ERC2: variants seen among roughly 807,000 people sequenced by gnomAD.
ERC2 encodes the protein ERC protein 2.
Under a neutral mutation model 114.8 loss-of-function variants are expected in ERC2, and 42 were observed. The observed-to-expected ratio is 0.37, with a 90% CI of 0.29 to 0.47. ERC2 has a LOEUF of 0.47. ERC2 is among the 20% of genes least tolerant of loss of function. The pLI, the probability that ERC2 is intolerant of heterozygous loss-of-function variation, is 0.99. For missense variants in ERC2, 939 were observed against 1,150.7 expected, an observed-to-expected ratio of 0.82 and a Z score of 2.66; for synonymous variants, 454 against 425.5, an observed-to-expected ratio of 1.07 and a Z score of -0.82.
chr3:56,222,776 T>C (rs532554484), intron 3 of ERC2, among the ~76,000 whole-genome samples: 1 of 152,254 alleles, frequency 6.6e-6, no homozygotes, highest in South Asian at 2.1e-4. Context: ...AGATGCAAAA[T>C]ACATCATAGT....
In ERC2 at chr3:56,147,318, T is replaced by A. The variant is rs2081191669; in HGVS notation, c.1305+1659A>T. ...AAACTTATTCTAAACTTTGAGGCAG[T>A]CCCTGGTTACATTCAAATCCACTGG... is the stretch of plus-strand genomic sequence containing the variant. On this transcript the variant is annotated intron_variant, in intron 5 of 17. Transcript: ENST00000288221. Among the ~76,000 whole-genome samples the A allele has an allele frequency of 2.0e-5, 3 of 152,170 alleles. No individual in the cohort carries two copies. In the South Asian group the frequency reaches 6.2e-4, roughly 32 times the overall value.
At chr3:56,116,075 G>A (rs1038322720) in intron 6 of ERC2, among the ~76,000 whole-genome samples, 1 of 152,130 alleles carries the variant, frequency 6.6e-6, no homozygotes, top group East Asian at 1.9e-4. Flanking sequence ...CCTCCTGACC[G>A]ACCCTAGTGC....
chr3:55,791,525 G>A (rs1047548267), intron 14 of ERC2, among the ~76,000 whole-genome samples: 7 of 152,052 alleles, frequency 4.6e-5, no homozygotes, highest in African/African-American at 1.7e-4. Context: ...TCAAACACAT[G>A]TATGCTGAGA....
At chr3:56,020,107 A>G (rs924686332) in intron 7 of ERC2, among the ~76,000 whole-genome samples, 2 of 152,174 alleles carry the variant, frequency 1.3e-5, no homozygotes, top group Admixed American at 1.3e-4. Context: ...GGAGATGATT[A>G]CAATGACAAT....
At chr3:55,559,737 G>A (rs1041359244) in intron 17 of ERC2, among the ~76,000 whole-genome samples, 1 of 152,250 alleles carries the variant, frequency 6.6e-6, no homozygotes, top group African/African-American at 2.4e-5. Context: ...CACTGGAGAT[G>A]TGAACAAAGA....
intron 2 of ERC2, among the ~76,000 whole-genome samples, chr3:56,334,331 AAG>A (rs1023224074): frequency 5.9e-5 from 9 of 152,236 alleles, no homozygotes; most frequent in African/African-American, 2.2e-4. Context: ...GCCATAGGCC[AAG>A]AGAATCGGAG....
chr3:56,375,866 A>C (rs1428294997), intron 2 of ERC2, among the ~76,000 whole-genome samples: 2 of 152,198 alleles, frequency 1.3e-5, no homozygotes, highest in Non-Finnish European at 2.9e-5. Flanking sequence ...TCTCTTGCTC[A>C]ATCACTCTGA....
At chr3:56,467,307 G>A (rs2063589271) in intron 1 of ERC2, among the ~76,000 whole-genome samples, 1 of 152,162 alleles carries the variant, frequency 6.6e-6, no homozygotes. Context: ...CAATCACAGA[G>A]GGAACCGACA....
intron 3 of ERC2, among the ~76,000 whole-genome samples, chr3:56,231,423 A>G (rs777112007): frequency 1.3e-5 from 2 of 152,178 alleles, no homozygotes; most frequent in Admixed American, 6.5e-5. Flanking sequence ...CATCTTTTCC[A>G]GTCAAATCGC....
chr3:56,250,114 C>T (rs1481790947), intron 3 of ERC2, among the ~76,000 whole-genome samples: 1 of 152,160 alleles, frequency 6.6e-6, no homozygotes, highest in African/African-American at 2.4e-5. Context: ...CCTCCGCCTC[C>T]CAAAGTGCTG....
chr3:55,809,046 TA>T (rs1012650714), intron 14 of ERC2, among the ~76,000 whole-genome samples: 2 of 151,868 alleles, frequency 1.3e-5, no homozygotes, highest in African/African-American at 2.4e-5. Flanking sequence ...GCAGTCTTTT[TA>T]AAAAAATCCT....
chr3:56,117,053 C>T (rs2079279373), intron 6 of ERC2, among the ~76,000 whole-genome samples: 1 of 152,162 alleles, frequency 6.6e-6, no homozygotes, highest in Admixed American at 6.5e-5. Context: ...TTGTCCAAGA[C>T]CACAGTAGTC....
chr3:55,632,474 C>G (rs1033818606), intron 17 of ERC2, among the ~76,000 whole-genome samples: 7 of 152,180 alleles, frequency 4.6e-5, no homozygotes, highest in Admixed American at 4.6e-4. Flanking sequence ...GAGATGGAGA[C>G]AAGGAGGCAA....
intron 10 of ERC2, among the ~76,000 whole-genome samples, chr3:56,003,816 G>T (rs2072263097): frequency 6.6e-6 from 1 of 152,052 alleles, no homozygotes; most frequent in Non-Finnish European, 1.5e-5. Context: ...TGTTCCAAGT[G>T]CTTTAGAATC....
At chr3:56,157,040 G>A (rs371742726) in intron 4 of ERC2, among the ~76,000 whole-genome samples, 1 of 152,140 alleles carries the variant, frequency 6.6e-6, no homozygotes, top group African/African-American at 2.4e-5. Context: ...ATGAATTAAG[G>A]ATTTATTTTA....
chr3:56,168,879 A>C lies in ERC2; in HGVS notation c.1149+4567T>G, dbSNP rs190387693. On this transcript the variant is annotated intron_variant, in intron 4 of 17. Coordinates refer to ENST00000288221, the MANE Select transcript of ERC2 (RefSeq NM_015576.3). ...GTTGCACCTGAATGCAAAATCATAT[A>C]CTTTCACCAATAGTACCACTTATAC... 7.9e-5 allele frequency among the ~76,000 whole-genome samples: 12 copies of C among 152,270 alleles called. No homozygotes were observed. In the East Asian group the frequency reaches 2.3e-3, roughly 29 times the overall value.
At chr3:56,003,088 A>C (rs1178907333) in intron 10 of ERC2, 1 of 1,289,472 alleles carries the variant, frequency 7.8e-7, no homozygotes, top group Non-Finnish European at 1.0e-6. Context: ...GAACTTTCAG[A>C]AATGACTTAC....
intron 3 of ERC2, among the ~76,000 whole-genome samples, chr3:56,279,700 A>T (rs1233392662): frequency 6.6e-6 from 1 of 152,242 alleles, no homozygotes; most frequent in Non-Finnish European, 1.5e-5. Context: ...GGACAGACAT[A>T]CATTTTTCTA....
intron 17 of ERC2, among the ~76,000 whole-genome samples, chr3:55,619,930 A>C (rs2059261802): frequency 6.6e-6 from 1 of 152,162 alleles, no homozygotes; most frequent in Non-Finnish European, 1.5e-5. Context: ...TGGCCTCTCT[A>C]GGGGTTTCAA....
Sources: gnomAD v4.1 joint callset for allele counts (sites outside exome capture counted in the v4.1 genomes callset) on GRCh38, gnomAD v4.1.1 for gene constraint, MANE v1.5 for transcripts, NCBI Gene and HGNC (gene_info 2026-07-23, HGNC 2026-07-21) for gene names.